Variants in OR52N2 observed in about 807,000 individuals in gnomAD.
The protein encoded by OR52N2 is olfactory receptor 52N2.
For synonymous variants in OR52N2, 129 were observed against 72.0 expected, an observed-to-expected ratio of 1.79 and a Z score of -4.01; for missense variants, 326 against 196.6, an observed-to-expected ratio of 1.66 and a Z score of -3.94.
intron 1 of OR52N2, among the ~76,000 whole-genome samples, chr11:5,818,244 T>C (rs764475783): frequency 2.6e-5 from 4 of 152,148 alleles, no homozygotes; most frequent in Non-Finnish European, 5.9e-5. Context: ...TTTTAAAAAA[T>C]TATGTTTTTC....
rs575431314 is a variant in OR52N2 at position 5,821,371 on chromosome 11, A to T, written c.*70A>T. 2.1e-5 allele frequency: 14 copies of T among 674,318 alleles called. No individual in the cohort carries two copies. In the East Asian group the frequency reaches 3.2e-4, roughly 16 times the overall value. 41.8% of individuals were successfully genotyped at this position (674,318 alleles called of 1,614,324 possible). ...AGACAAAATTTCATAAAAGATGTGA[A>T]TAAAATGGTATTAAAATCATGACAT... On this transcript the variant is annotated 3_prime_UTR_variant, in exon 2 of 2. Transcript: ENST00000317037.
intron 1 of OR52N2, among the ~76,000 whole-genome samples, chr11:5,817,654 C>G (rs116682695): frequency 0.011 from 1,704 of 152,140 alleles, 32 homozygotes; most frequent in African/African-American, 0.039. Flanking sequence ...ATGGTTCAGT[C>G]GCTTTGCATG....
At chr11:5,809,220 G>A (rs764391654) in intron 1 of OR52N2, among the ~76,000 whole-genome samples, 166 bp downstream of exon 1, 1 of 152,194 alleles carries the variant, frequency 6.6e-6, no homozygotes, top group Non-Finnish European at 1.5e-5. Flanking sequence ...CTGTAGAAGG[G>A]TGCCACTCGC....
chr11:5,820,507 C>T lies in OR52N2; in HGVS notation c.172C>T (p.His58Tyr). ...CCTCATCAGCCATGAGGAGGCCCTG[C>T]ACCGGCCCATGTACTACTTCCTGGC... is the stretch of plus-strand genomic sequence containing the variant. ...ICLISHEEAL[H>Y]RPMYYFLALL... The change falls in exon 2 of 2, where the codon CAC becomes TAC. Residue 58 changes from histidine (H) to tyrosine (Y), a missense_variant. Coordinates refer to ENST00000317037, the MANE Select transcript of OR52N2 (RefSeq NM_001005174.3). The T allele has an allele frequency of 1.3e-6, 1 of 778,336 alleles. No homozygotes were observed. The highest frequency in any genetic ancestry group is 1.7e-5 in the Admixed American group (1 of 58,914). The allele number at this position is 778,336 out of a possible 1,614,324, so 48.2% of individuals were successfully genotyped here. A position where few individuals can be genotyped will look rare whatever the true frequency, so the allele number is the denominator to read the frequency against.
chr11:5,814,425 T>A (rs547979932), intron 1 of OR52N2, among the ~76,000 whole-genome samples: 89 of 151,908 alleles, frequency 5.9e-4, no homozygotes, highest in Admixed American at 1.0e-3. Context: ...CATAAGAAAA[T>A]ACAAAATACA....
chr11:5,813,186 G>A (rs1846377659), intron 1 of OR52N2, among the ~76,000 whole-genome samples: 1 of 149,508 alleles, frequency 6.7e-6, no homozygotes, highest in South Asian at 2.1e-4. Flanking sequence ...CATGTAATTA[G>A]AAGGCAGGTA....
intron 1 of OR52N2, among the ~76,000 whole-genome samples, chr11:5,817,994 G>C (rs73394356): frequency 0.059 from 8,903 of 152,114 alleles, 310 homozygotes; most frequent in African/African-American, 0.078. Flanking sequence ...AATAATACTA[G>C]CTGGAGATAG....
intron 1 of OR52N2, among the ~76,000 whole-genome samples, chr11:5,812,670 G>C (rs1296869802): frequency 6.6e-6 from 1 of 151,780 alleles, no homozygotes; most frequent in Non-Finnish European, 1.5e-5. Context: ...TGAAGGGAGA[G>C]ATAGACTGCA....
Position 5,820,738 on chromosome 11 carries a change from G to T in OR52N2, c.403G>T (p.Ala135Ser). ...GGCCATCTGCTACCCCTTACGCTAT[G>T]CCACCATCCTTACCAACCCTGTCAT... ...YVAICYPLRY[A>S]TILTNPVIAK... The change falls in exon 2 of 2, where the codon GCC (alanine) becomes TCC (serine). Residue 135 changes from alanine to serine, a missense_variant. Coordinates refer to ENST00000317037, the MANE Select transcript of OR52N2 (RefSeq NM_001005174.3). The T allele has an allele frequency of 1.3e-6, 1 of 781,002 alleles. No homozygotes were observed. Among genetic ancestry groups the T allele is most frequent in the Non-Finnish European group, 2.4e-6 (1 of 421,594 alleles). The allele number at this position is 781,002 out of a possible 1,614,324, so 48.4% of individuals were successfully genotyped here. A position where few individuals can be genotyped will look rare whatever the true frequency, so the allele number is the denominator to read the frequency against.
Position 5,820,350 on chromosome 11 carries a change from C to G in OR52N2, c.15C>G (p.Asn5Lys). The change falls in exon 2 of 2, where the codon AAC becomes AAG. Residue 5 changes from asparagine to lysine, a missense_variant. Asn to Lys is a moderately conservative substitution (Grantham distance 94). Transcript: ENST00000317037. MSGDNSSSLTPGFFI... is the reference protein window; with the variant it reads MSGDKSSSLTPGFFI... Reference sequence around the variant, plus strand: ...TGTCAGCCATCATGTCTGGGGACAACAGCTCCAGCCTGACCCCAGGATTCT... The same window carrying G: ...TGTCAGCCATCATGTCTGGGGACAAGAGCTCCAGCCTGACCCCAGGATTCT... 3.8e-6 allele frequency: 3 copies of G among 780,808 alleles called. No individual in the cohort carries two copies. Among genetic ancestry groups the G allele is most frequent in the Non-Finnish European group, 7.2e-6 (3 of 418,006 alleles). The allele number at this position is 780,808 out of a possible 1,614,324, so 48.4% of individuals were successfully genotyped here. A position where few individuals can be genotyped will look rare whatever the true frequency, so the allele number is the denominator to read the frequency against.
At position 5,821,414 on chromosome 11, in the gene OR52N2, C is replaced by CTA; in HGVS notation, c.*113_*114insTA. ...CATGACATGTAATTTACCCATGTAA[C>CTA]AAACTTGCACGTGTACCTAAAATAA... On this transcript the variant is annotated 3_prime_UTR_variant, in exon 2 of 2. Transcript: ENST00000317037. The CTA allele has an allele frequency of 1.6e-6, 1 of 621,062 alleles. No individual in the cohort carries two copies. The highest frequency in any genetic ancestry group is 2.9e-6 in the Non-Finnish European group (1 of 348,800). 38.5% of individuals were successfully genotyped at this position (621,062 alleles called of 1,614,324 possible).
chr11:5,817,690 T>G (rs1344861876), intron 1 of OR52N2, among the ~76,000 whole-genome samples: 1 of 152,198 alleles, frequency 6.6e-6, no homozygotes, highest in Non-Finnish European at 1.5e-5. Context: ...ACAGATTTTA[T>G]TGAAATGATT....
chr11:5,816,655 T>A (rs1846407172), intron 1 of OR52N2, among the ~76,000 whole-genome samples: 2 of 152,104 alleles, frequency 1.3e-5, no homozygotes, highest in Non-Finnish European at 2.9e-5. Context: ...CCCTCCCATC[T>A]CAGCCTCCCG....
At position 5,820,863 on chromosome 11, in the gene OR52N2, C is replaced by A. The variant is rs553144963; in HGVS notation, c.528C>A (p.Ile176=). 1 of 780,914 alleles carries A rather than the reference C, an allele frequency of 1.3e-6. No homozygotes were observed. Among genetic ancestry groups the A allele is most frequent in the South Asian group, 1.3e-5 (1 of 74,598 alleles). 48.4% of individuals were successfully genotyped at this position (780,914 alleles called of 1,614,324 possible). The change falls in exon 2 of 2, where the codon ATC becomes ATA. Residue 176 remains isoleucine (I), a synonymous_variant. Transcript: ENST00000317037. ...KRLPYCRGNF[I]PHTYCDHMSV... Reference sequence around the variant, plus strand: ...TGCCCTATTGCCGGGGGAACTTCATCCCCCACACCTACTGTGACCATATGT... The same window carrying A: ...TGCCCTATTGCCGGGGGAACTTCATACCCCACACCTACTGTGACCATATGT...
At chr11:5,814,923 T>G (rs939341854) in intron 1 of OR52N2, among the ~76,000 whole-genome samples, 7 of 152,130 alleles carry the variant, frequency 4.6e-5, no homozygotes, top group African/African-American at 1.7e-4. Context: ...CCCTCACATA[T>G]GTGGTAAAGT....
chr11:5,818,201 C>G (rs1213690253), intron 1 of OR52N2, among the ~76,000 whole-genome samples: 2 of 152,018 alleles, frequency 1.3e-5, no homozygotes, highest in African/African-American at 4.8e-5. Flanking sequence ...ATATTAAAGA[C>G]ATACTTCTCT....
chr11:5,817,187 T>G lies in OR52N2; in HGVS notation c.-54-3095T>G, dbSNP rs1051387813. Among the ~76,000 whole-genome samples the G allele has an allele frequency of 9.9e-5, 15 of 152,198 alleles. No individual in the cohort carries two copies. The East Asian group carries it at 2.9e-3, about 29-fold the overall frequency. ...TAATAGCATTTACTTCAGAAGTGGA[T>G]TAAGGTGAAATGTGAGTTTATGGGA... is the stretch of plus-strand genomic sequence containing the variant. On this transcript the variant is annotated intron_variant, in intron 1 of 1. Transcript: ENST00000317037.
chr11:5,813,741 A>T (rs1300634023), intron 1 of OR52N2, among the ~76,000 whole-genome samples: 1 of 152,158 alleles, frequency 6.6e-6, no homozygotes, highest in East Asian at 1.9e-4. Context: ...ACAATAGGCC[A>T]ATATCCTGTT....
In OR52N2 at chr11:5,820,686, C is replaced by T; in HGVS notation, c.351C>T (p.Leu117=). Residue 117 remains leucine (L), a synonymous_variant, in exon 2 of 2, where the codon CTC becomes CTT. Coordinates refer to ENST00000317037, the MANE Select transcript of OR52N2 (RefSeq NM_001005174.3). ...TGACAGGGATGGAGTCTGGGGTGCT[C>T]ATGCTCATGGCCCTGGACCGCTATG... is the stretch of plus-strand genomic sequence containing the variant. ...HMLTGMESGV[L]MLMALDRYVA... is the part of the protein sequence containing the mutation. The T allele has an allele frequency of 3.8e-6, 3 of 792,830 alleles. No homozygotes were observed. Among genetic ancestry groups the T allele is most frequent in the South Asian group, 1.3e-5 (1 of 74,724 alleles). 49.1% of individuals were successfully genotyped at this position (792,830 alleles called of 1,614,324 possible).
Sources: gnomAD v4.1 joint callset for allele counts (sites outside exome capture counted in the v4.1 genomes callset) on GRCh38, gnomAD v4.1.1 for gene constraint, MANE v1.5 for transcripts, NCBI Gene and HGNC (gene_info 2026-07-23, HGNC 2026-07-21) for gene names.